Variants in ADIPOR2 observed in about 807,000 individuals in gnomAD.
The protein encoded by ADIPOR2 is adiponectin receptor 2, also known as adiponectin receptor protein 2.
ADIPOR2 carries 18 observed loss-of-function variants against 40.9 expected under a neutral mutation model. The observed-to-expected ratio is 0.44, with a 90% CI of 0.30 to 0.65. The LOEUF is 0.65. Ranked by LOEUF, ADIPOR2 falls within the 30% of genes least tolerant of loss-of-function variation. The probability of loss-of-function intolerance (pLI) is 0.09; values close to 1 mark genes in which losing one functional copy is unlikely to be tolerated. For synonymous variants in ADIPOR2, 165 were observed against 166.4 expected, an observed-to-expected ratio of 0.99 and a Z score of 0.06; for missense variants, 283 against 479.2, an observed-to-expected ratio of 0.59 and a Z score of 3.82.
intron 1 of ADIPOR2, among the ~76,000 whole-genome samples, chr12:1,748,938 C>T (rs2094763013): frequency 6.6e-6 from 1 of 151,998 alleles, no homozygotes; most frequent in Non-Finnish European, 1.5e-5. Flanking sequence ...GGGCTCCGTA[C>T]CTAAGACTAC....
At chr12:1,771,791 A>T (rs555216868) in intron 2 of ADIPOR2, among the ~76,000 whole-genome samples, 62 of 152,326 alleles carry the variant, frequency 4.1e-4, no homozygotes, top group African/African-American at 1.4e-3. Context: ...TAGAGGATTT[A>T]TTCATTTCTT....
At chr12:1,703,156 AT>A (rs562542880) in intron 1 of ADIPOR2, among the ~76,000 whole-genome samples, 124 of 152,318 alleles carry the variant, frequency 8.1e-4, no homozygotes, top group African/African-American at 2.9e-3. Context: ...AGACTTCAGA[AT>A]TTTTTTGTAG....
chr12:1,713,719 G>A (rs971479774), intron 1 of ADIPOR2, among the ~76,000 whole-genome samples: 1 of 152,090 alleles, frequency 6.6e-6, no homozygotes, highest in African/African-American at 2.4e-5. Flanking sequence ...TGTGAAAAGA[G>A]CAAAGTCTCC....
chr12:1,745,261 A>G (rs2094752497), intron 1 of ADIPOR2, among the ~76,000 whole-genome samples: 1 of 152,154 alleles, frequency 6.6e-6, no homozygotes, highest in Non-Finnish European at 1.5e-5. Flanking sequence ...CTTCAGGATC[A>G]CACTGGTAAA....
intron 1 of ADIPOR2, among the ~76,000 whole-genome samples, chr12:1,709,322 C>A (rs2094671107): frequency 6.6e-6 from 1 of 152,084 alleles, no homozygotes; most frequent in African/African-American, 2.4e-5. Context: ...TGTTGGACAT[C>A]TTTTATTGGA....
intron 2 of ADIPOR2, among the ~76,000 whole-genome samples, chr12:1,766,129 G>A (rs1862375008): frequency 6.6e-6 from 1 of 152,188 alleles, no homozygotes; most frequent in South Asian, 2.1e-4. Context: ...GGTGAGTGCT[G>A]TGTGGTTTTA....
chr12:1,707,063 A>G (rs2094664791), intron 1 of ADIPOR2, among the ~76,000 whole-genome samples: 2 of 152,080 alleles, frequency 1.3e-5, no homozygotes, highest in Non-Finnish European at 2.9e-5. Flanking sequence ...TTCACTCCGC[A>G]TGTTTTTGAG....
At chr12:1,723,692 T>TA (rs111514250) in intron 1 of ADIPOR2, among the ~76,000 whole-genome samples, 8 of 151,780 alleles carry the variant, frequency 5.3e-5, no homozygotes, top group African/African-American at 1.9e-4. Flanking sequence ...GAAGTAATTT[T>TA]AAAAAAACTG....
At chr12:1,725,004 G>A (rs1212016568) in intron 1 of ADIPOR2, among the ~76,000 whole-genome samples, 1 of 152,036 alleles carries the variant, frequency 6.6e-6, no homozygotes, top group East Asian at 1.9e-4. Context: ...TACCATCACA[G>A]TCCCAAGTGT....
chr12:1,712,738 G>C (rs187016722), intron 1 of ADIPOR2, among the ~76,000 whole-genome samples: 3 of 152,196 alleles, frequency 2.0e-5, no homozygotes, highest in Admixed American at 1.3e-4. Context: ...GCTGTATCCA[G>C]GGATCTGTAG....
At position 1,787,054 on chromosome 12, in the gene ADIPOR2, A is replaced by T. The variant is rs1387128969; in HGVS notation, c.*982A>T. ...CCCGCTCACTTTTATGGGAAGTCTT[A>T]TTAGAGGGATGGGACAGTTTTCCAT... On this transcript the variant is annotated 3_prime_UTR_variant, in exon 8 of 8. Coordinates refer to ENST00000357103, the MANE Select transcript of ADIPOR2 (RefSeq NM_024551.3). 6.6e-6 allele frequency: 1 copy of T among 152,206 alleles called. No individual in the cohort carries two copies. The highest frequency in any genetic ancestry group is 1.5e-5 in the Non-Finnish European group (1 of 68,034). The allele number at this position is 152,206 out of a possible 1,614,324, so 9.4% of individuals were successfully genotyped here.
At chr12:1,693,190 CA>C (rs1280277072) in intron 1 of ADIPOR2, among the ~76,000 whole-genome samples, 1 of 152,102 alleles carries the variant, frequency 6.6e-6, no homozygotes, top group Non-Finnish European at 1.5e-5. Context: ...TTTATTAGAA[CA>C]TAGCCATATG....
At chr12:1,754,716 A>G (rs574666694) in intron 2 of ADIPOR2, among the ~76,000 whole-genome samples, 41 of 78,216 alleles carry the variant, frequency 5.2e-4, no homozygotes, top group African/African-American at 1.5e-3. Context: ...TACTACTACT[A>G]CTACTACTAC....
At chr12:1,726,200 G>A (rs769472362) in intron 1 of ADIPOR2, among the ~76,000 whole-genome samples, 2 of 151,970 alleles carry the variant, frequency 1.3e-5, no homozygotes, top group Non-Finnish European at 2.9e-5. Context: ...ATAGAGTTGG[G>A]ATTTTTTTTT....
At chr12:1,706,830 A>G (rs2094664182) in intron 1 of ADIPOR2, among the ~76,000 whole-genome samples, 1 of 152,054 alleles carries the variant, frequency 6.6e-6, no homozygotes, top group South Asian at 2.1e-4. Flanking sequence ...GTCTCTTAGA[A>G]TTTCATGTAA....
intron 6 of ADIPOR2, among the ~76,000 whole-genome samples, chr12:1,782,804 C>G (rs1217177862): frequency 6.6e-6 from 1 of 152,024 alleles, no homozygotes; most frequent in Non-Finnish European, 1.5e-5. Context: ...GACTTTTGTA[C>G]TTGATTGCTA....
Position 1,725,891 on chromosome 12 carries a change from A to C in ADIPOR2, c.-86-28367A>C, listed in dbSNP as rs1311417640. 2.6e-5 allele frequency among the ~76,000 whole-genome samples: 4 copies of C among 152,302 alleles called. No homozygotes were observed. In the South Asian group the frequency reaches 8.3e-4, roughly 32 times the overall value. ...CTAGAGAATGTGATGTTTATTCATT[A>C]ATTTATTCATTCACTCAAGAAATCT... is the stretch of plus-strand genomic sequence containing the variant. On this transcript the variant is annotated intron_variant, in intron 1 of 7. Coordinates refer to ENST00000357103, the MANE Select transcript of ADIPOR2 (RefSeq NM_024551.3).
chr12:1,762,244 C>T (rs1428572253), intron 2 of ADIPOR2, among the ~76,000 whole-genome samples: 3 of 152,052 alleles, frequency 2.0e-5, no homozygotes, highest in Non-Finnish European at 4.4e-5. Flanking sequence ...TCTTTAATTA[C>T]CTTTTATTTT....
intron 1 of ADIPOR2, among the ~76,000 whole-genome samples, chr12:1,725,752 C>T (rs961572267): frequency 1.3e-5 from 2 of 152,022 alleles, no homozygotes; most frequent in Non-Finnish European, 2.9e-5. Flanking sequence ...CCATATAATA[C>T]AAATACACAA....
Sources: allele counts gnomAD v4.1 joint callset (sites outside exome capture counted in the v4.1 genomes callset), GRCh38; gene constraint gnomAD v4.1.1; transcripts MANE v1.5; gene names NCBI Gene and HGNC (gene_info 2026-07-23, HGNC 2026-07-21).